The following GIGYF1 variants were observed in gnomAD, a reference collection of about 807,000 sequenced individuals.
The protein encoded by GIGYF1 is GRB10 interacting GYF protein 1, also known as GRB10-interacting GYF protein 1.
A neutral mutation model predicts 147.1 loss-of-function variants in GIGYF1; 84 were observed. The observed-to-expected ratio is 0.57, with a 90% CI of 0.48 to 0.68. GIGYF1 has a LOEUF of 0.68. Ranked by LOEUF, GIGYF1 falls within the 30% of genes least tolerant of loss-of-function variation. The pLI, the probability that GIGYF1 is intolerant of heterozygous loss-of-function variation, is 0.00. For synonymous variants in GIGYF1, 752 were observed against 589.5 expected (o/e 1.28, Z -3.99); for missense variants, 1,485 against 1,393.7 (o/e 1.07, Z -1.04).
rs1300280537 is a variant in GIGYF1, at chr7:100,689,357, G to A, written c.-900C>T. 6.6e-6 allele frequency: 1 copy of A among 152,334 alleles called. No individual in the cohort carries two copies. Among genetic ancestry groups the A allele is most frequent in the Non-Finnish European group, 1.5e-5 (1 of 68,124 alleles). The allele number at this position is 152,334 out of a possible 1,614,324, so 9.4% of individuals were successfully genotyped here. A position where few individuals can be genotyped will look rare whatever the true frequency, so the allele number is the denominator to read the frequency against. ...GTGGAAATAAGGTCAGGGCAATGGA[G>A]GCTGATGGGGGCGCGGCGGCAGCCT... On this transcript the variant is annotated 5_prime_UTR_variant, in exon 2 of 27. Coordinates refer to ENST00000678049, the MANE Select transcript of GIGYF1 (RefSeq NM_001375765.1).
In GIGYF1 at chr7:100,681,513, A is replaced by C; in HGVS notation, c.*206T>G. On this transcript the variant is annotated 3_prime_UTR_variant, in exon 27 of 27. Coordinates refer to ENST00000678049, the MANE Select transcript of GIGYF1 (RefSeq NM_001375765.1). ...TTCAGTCGTTTAAAATTAAAAAAAA[A>C]AATAAAAAGAAAAACCCCCTCCCCC... 1 of 423,760 alleles carries C rather than the reference A, an allele frequency of 2.4e-6. No homozygotes were observed. Among genetic ancestry groups the C allele is most frequent in the Non-Finnish European group, 4.1e-6 (1 of 241,928 alleles). The allele number at this position is 423,760 out of a possible 1,614,324, so 26.2% of individuals were successfully genotyped here. A position where few individuals can be genotyped will look rare whatever the true frequency, so the allele number is the denominator to read the frequency against.
chr7:100,688,813 G>A lies in GIGYF1; in HGVS notation c.-356C>T. On this transcript the variant is annotated 5_prime_UTR_variant, in exon 2 of 27. Transcript: ENST00000678049. ...CATGACAGGAGAGGTCCATTCGCCG[G>A]ATGGTGTCTCTGGGCATCAGCACCC... 4.8e-6 allele frequency: 1 copy of A among 210,116 alleles called. No individual in the cohort carries two copies. Among genetic ancestry groups the A allele is most frequent in the Non-Finnish European group, 1.0e-5 (1 of 100,054 alleles). 13.0% of individuals were successfully genotyped at this position (210,116 alleles called of 1,614,324 possible). A position where few individuals can be genotyped will look rare whatever the true frequency, so the allele number is the denominator to read the frequency against.
In GIGYF1 at chr7:100,680,508, T is replaced by C. The variant is rs1166637767; in HGVS notation, c.*1211A>G. 6.6e-6 allele frequency: 1 copy of C among 152,616 alleles called. No individual in the cohort carries two copies. Among genetic ancestry groups the C allele is most frequent in the East Asian group, 1.9e-4 (1 of 5,196 alleles). 9.5% of individuals were successfully genotyped at this position (152,616 alleles called of 1,614,324 possible). A position where few individuals can be genotyped will look rare whatever the true frequency, so the allele number is the denominator to read the frequency against. On this transcript the variant is annotated 3_prime_UTR_variant, in exon 27 of 27. Coordinates refer to ENST00000678049, the MANE Select transcript of GIGYF1 (RefSeq NM_001375765.1). The stretch of plus-strand genomic sequence containing the variant: ...CCGCACACTTCTCTTCACCCCAACC[T>C]TACCCAACGGTAAAAAGCGCATCAT...
chr7:100,688,194 A>G lies in GIGYF1; in HGVS notation c.35+10T>C. On this transcript the variant is annotated intron_variant, in intron 4 of 26. Transcript: ENST00000678049. ...GAATCTCCACGGCAGCCGAGGCACA[A>G]GTGACTCACCACTCAGGCCCAAAGT... 1.3e-6 allele frequency: 2 copies of G among 1,576,082 alleles called. No homozygotes were observed. The highest frequency in any genetic ancestry group is 1.7e-6 in the Non-Finnish European group (2 of 1,156,272).
Position 100,682,322 on chromosome 7 carries a change from C to T in GIGYF1, c.2761G>A (p.Val921Met), listed in dbSNP as rs1414452966. The T allele has an allele frequency of 3.7e-6, 6 of 1,611,660 alleles. No individual in the cohort carries two copies. Among genetic ancestry groups the T allele is most frequent in the East Asian group, 2.2e-5 (1 of 44,872 alleles). The change falls in exon 24 of 27, where the codon GTG (valine) becomes ATG (methionine). Residue 921 changes from valine to methionine, a missense_variant and splice_region_variant. Val to Met is a conservative substitution (Grantham distance 21). Coordinates refer to ENST00000678049, the MANE Select transcript of GIGYF1 (RefSeq NM_001375765.1). The part of the protein sequence containing the change: ...HTLSATGSLD[V>M]PMAVAILKEV... ...CACCTCCTGGGAGCCGCTCGCCCAC[C>T]GTCCAGGCTGCCCGTGGCGCTCAGC...
chr7:100,685,788 A>G (rs113083799), intron 12 of GIGYF1, among the ~76,000 whole-genome samples, 186 bp downstream of exon 12: 120 of 152,260 alleles, frequency 7.9e-4, no homozygotes, highest in Non-Finnish European at 1.6e-3. Flanking sequence ...CCTGATTTCT[A>G]TCTGGTACAC....
chr7:100,687,969 C>T lies in GIGYF1; in HGVS notation c.165+12G>A, dbSNP rs918298614. Reference sequence around the variant, plus strand: ...GGCCACCACCGCCAACCCCCCTCGCCCACGCACCCACCTTGTTCTCCTTGA... The same window carrying T: ...GGCCACCACCGCCAACCCCCCTCGCTCACGCACCCACCTTGTTCTCCTTGA... On this transcript the variant is annotated intron_variant, in intron 5 of 26. Coordinates refer to ENST00000678049, the MANE Select transcript of GIGYF1 (RefSeq NM_001375765.1). The T allele has an allele frequency of 6.2e-6, 10 of 1,609,912 alleles. No individual in the cohort carries two copies. The highest frequency in any genetic ancestry group is 6.8e-6 in the Non-Finnish European group (8 of 1,176,932).
At position 100,681,515 on chromosome 7, in the gene GIGYF1, AT is replaced by A. The variant is rs201424895; in HGVS notation, c.*203del. 7.5e-6 allele frequency: 3 copies of A among 398,532 alleles called. No homozygotes were observed. Among genetic ancestry groups the A allele is most frequent in the East Asian group, 3.6e-5 (1 of 27,498 alleles). The allele number at this position is 398,532 out of a possible 1,614,324, so 24.7% of individuals were successfully genotyped here. On this transcript the variant is annotated 3_prime_UTR_variant, in exon 27 of 27. Transcript: ENST00000678049. ...CAGTCGTTTAAAATTAAAAAAAAAA[AT>A]AAAAAGAAAAACCCCCTCCCCCAGT...
chr7:100,687,421 A>G lies in GIGYF1; in HGVS notation c.374-15T>C. 2 of 1,612,454 alleles carry G rather than the reference A, an allele frequency of 1.2e-6. No individual in the cohort carries two copies. Among genetic ancestry groups the G allele is most frequent in the Non-Finnish European group, 1.7e-6 (2 of 1,179,218 alleles). On this transcript the variant is annotated splice_polypyrimidine_tract_variant and intron_variant, in intron 7 of 26. Transcript: ENST00000678049. ...ACGGCCGCGGCCTAGAGAAGAGGCC[A>G]GACGCACAATGAAACCTGCTGCACG...
chr7:100,682,085 C>T lies in GIGYF1; in HGVS notation c.2912G>A (p.Arg971Gln), dbSNP rs369126721. 21 of 1,613,082 alleles carry T rather than the reference C, an allele frequency of 1.3e-5. No homozygotes were observed. Among genetic ancestry groups the T allele is most frequent in the Non-Finnish European group, 1.7e-5 (20 of 1,179,750 alleles). Residue 971 changes from arginine to glutamine, a missense_variant, in exon 25 of 27, where the codon CGG becomes CAG. Physicochemically the swap from Arg to Gln is conservative, Grantham distance 43. Coordinates refer to ENST00000678049, the MANE Select transcript of GIGYF1 (RefSeq NM_001375765.1). ...CGGCTGCCTCACCTGCTGCTGCTGCCGCTGCTGGCTGGCTTTCTGCTTGGC... is the reference window on the plus strand; with the variant it reads ...CGGCTGCCTCACCTGCTGCTGCTGCTGCTGCTGGCTGGCTTTCTGCTTGGC... ...RRAKQKASQQ[R>Q]QQQQEAWLSS...
chr7:100,682,085 C>CGCTGCT lies in GIGYF1; in HGVS notation c.2906_2911dup (p.Gln969_Gln970dup). ...CGGCTGCCTCACCTGCTGCTGCTGC[C>CGCTGCT]GCTGCTGGCTGGCTTTCTGCTTGGC... On this transcript the variant is annotated inframe_insertion, in exon 25 of 27. Transcript: ENST00000678049. 1 of 1,613,200 alleles carries CGCTGCT rather than the reference C, an allele frequency of 6.2e-7. No homozygotes were observed.
chr7:100,683,902 G>A lies in GIGYF1; in HGVS notation c.1885C>T (p.Leu629=), dbSNP rs1329215500. ...AAGGACCGGCTCATCGTCGGGAGCA[G>A]GTTCTGGTCCCCGCCTCTGAGGAGC... is the stretch of plus-strand genomic sequence containing the variant. ...LKPPRGGDQN[L]LPTMSRSLSV... The change falls in exon 19 of 27, where the codon CTG becomes TTG. Residue 629 remains leucine, a synonymous_variant. Coordinates refer to ENST00000678049, the MANE Select transcript of GIGYF1 (RefSeq NM_001375765.1). 3 of 1,554,944 alleles carry A rather than the reference G, an allele frequency of 1.9e-6. No homozygotes were observed. Among genetic ancestry groups the A allele is most frequent in the Non-Finnish European group, 2.6e-6 (3 of 1,148,978 alleles).
rs1365713908 is a variant in GIGYF1 at position 100,681,552 on chromosome 7, C to T, written c.*167G>A. 5 of 469,836 alleles carry T rather than the reference C, an allele frequency of 1.1e-5. No homozygotes were observed. The highest frequency in any genetic ancestry group is 1.8e-5 in the Non-Finnish European group (5 of 273,602). 29.1% of individuals were successfully genotyped at this position (469,836 alleles called of 1,614,324 possible). Reference sequence around the variant, plus strand: ...ACCCCCTCCCCCAGTCTGTAAAGTGCCTCGTGGTGGGTGAGTTAAGGTGCA... The same window carrying T: ...ACCCCCTCCCCCAGTCTGTAAAGTGTCTCGTGGTGGGTGAGTTAAGGTGCA... On this transcript the variant is annotated 3_prime_UTR_variant, in exon 27 of 27. Coordinates refer to ENST00000678049, the MANE Select transcript of GIGYF1 (RefSeq NM_001375765.1).
Position 100,687,992 on chromosome 7 carries a change from T to C in GIGYF1, c.154A>G (p.Lys52Glu), listed in dbSNP as rs1409223827. 6.2e-7 allele frequency: 1 copy of C among 1,612,510 alleles called. No individual in the cohort carries two copies. Among genetic ancestry groups the C allele is most frequent in the Admixed American group, 1.7e-5 (1 of 59,896 alleles). ...GCCCACGCACCCACCTTGTTCTCCT[T>C]GACGTAGAGAGCCAGCATTTCCTCT... ...GREEMLALYVKENKVPEELQD... is the reference protein window; with the variant it reads ...GREEMLALYVEENKVPEELQD... Residue 52 changes from lysine (K) to glutamate (E), a missense_variant, in exon 5 of 27, where the codon AAG (lysine) becomes GAG (glutamate). Coordinates refer to ENST00000678049, the MANE Select transcript of GIGYF1 (RefSeq NM_001375765.1).
Position 100,682,502 on chromosome 7 carries a change from C to A in GIGYF1, c.2601-20G>T, listed in dbSNP as rs570404146. The A allele has an allele frequency of 9.3e-6, 15 of 1,608,414 alleles. No homozygotes were observed. The highest frequency in any genetic ancestry group is 1.7e-5 in the Admixed American group (1 of 59,940). ...GAGTCACTGAAGGGGGAGGGTGAGTCAGGGTTGGAAATCAGCTGGCAGGGG... is the reference window on the plus strand; with the variant it reads ...GAGTCACTGAAGGGGGAGGGTGAGTAAGGGTTGGAAATCAGCTGGCAGGGG... On this transcript the variant is annotated intron_variant, in intron 23 of 26. Coordinates refer to ENST00000678049, the MANE Select transcript of GIGYF1 (RefSeq NM_001375765.1).
chr7:100,682,504 G>A, intron 23 of GIGYF1, 22 bp from the exon 24 acceptor site: 1 of 1,608,386 alleles, frequency 6.2e-7, no homozygotes, highest in South Asian at 1.1e-5. Flanking sequence ...GGGTGAGTCA[G>A]GGTTGGAAAT....
At position 100,688,612 on chromosome 7, in the gene GIGYF1, G is replaced by A. The variant is rs183978138; in HGVS notation, c.-155C>T. ...CTCACCTGGCAGCCTGGCCCGGGAA[G>A]AAGGAGGGCAGGGGCTGGTGCTGGA... On this transcript the variant is annotated 5_prime_UTR_variant, in exon 2 of 27. Coordinates refer to ENST00000678049, the MANE Select transcript of GIGYF1 (RefSeq NM_001375765.1). 1 of 500,986 alleles carries A rather than the reference G, an allele frequency of 2.0e-6. No homozygotes were observed. 31.0% of individuals were successfully genotyped at this position (500,986 alleles called of 1,614,324 possible).
chr7:100,686,667 AGCGGTC>A lies in GIGYF1; in HGVS notation c.670_675del (p.Asp224_Arg225del). On this transcript the variant is annotated inframe_deletion, in exon 10 of 27. Transcript: ENST00000678049. Reference sequence around the variant, plus strand: ...ATCTCACCAGGGCTGGCGGAGCGCCAGCGGTCGCCGTCTCGCCGGGGCCCTGCTCCG... The same window carrying A: ...ATCTCACCAGGGCTGGCGGAGCGCCAGCCGTCTCGCCGGGGCCCTGCTCCG... 2 of 1,612,170 alleles carry A rather than the reference AGCGGTC, an allele frequency of 1.2e-6. No individual in the cohort carries two copies. The highest frequency in any genetic ancestry group is 1.7e-6 in the Non-Finnish European group (2 of 1,179,558).
intron 10 of GIGYF1, 64 bp from the exon 11 acceptor site, chr7:100,686,497 C>A (rs775282707): frequency 1.2e-4 from 183 of 1,529,584 alleles, no homozygotes; most frequent in Middle Eastern, 5.3e-4. Context: ...GCCCCCTCTG[C>A]TGCAGCTCAC....
Sources: allele counts gnomAD v4.1 joint callset (sites outside exome capture counted in the v4.1 genomes callset), GRCh38; gene constraint gnomAD v4.1.1; transcripts MANE v1.5; gene names NCBI Gene and HGNC (gene_info 2026-07-23, HGNC 2026-07-21).